Variants in SLC22A23 observed in about 807,000 individuals in gnomAD.
SLC22A23 encodes the protein solute carrier family 22 member 23.
In SLC22A23, 26 loss-of-function variants were observed where a neutral mutation model predicts 61.0. That is an observed-to-expected ratio of 0.43 (90% CI 0.31 to 0.59). The LOEUF is 0.59. SLC22A23 is among the 20% of genes least tolerant of loss of function. The pLI is 0.11. For missense variants in SLC22A23, 796 were observed against 934.7 expected, an observed-to-expected ratio of 0.85 and a Z score of 1.94; for synonymous variants, 430 against 413.9, an observed-to-expected ratio of 1.04 and a Z score of -0.47.
At chr6:3,279,118 A>T (rs139233356) in intron 9 of SLC22A23, among the ~76,000 whole-genome samples, 1 of 152,358 alleles carries the variant, frequency 6.6e-6, no homozygotes, top group African/African-American at 2.4e-5. Flanking sequence ...ATGTATATGT[A>T]TATACATAAT....
At chr6:3,375,126 G>A (rs1766474908) in intron 3 of SLC22A23, among the ~76,000 whole-genome samples, 1 of 152,028 alleles carries the variant, frequency 6.6e-6, no homozygotes, top group Admixed American at 6.5e-5. Flanking sequence ...CATCTCAATA[G>A]CGATAAGAAG....
chr6:3,369,475 G>A (rs550743954), intron 3 of SLC22A23, among the ~76,000 whole-genome samples: 7 of 152,166 alleles, frequency 4.6e-5, no homozygotes, highest in African/African-American at 1.7e-4. Context: ...TGGATCACCT[G>A]AACTGAAGAG....
Position 3,342,004 on chromosome 6 carries a change from A to G in SLC22A23, c.914-18002T>C, listed in dbSNP as rs1270133619. ...CATGGATAGAGGAAGACATCTGTTC[A>G]GTAGCATTAAGAAGAAAATCTTTCT... On this transcript the variant is annotated intron_variant, in intron 3 of 9. Coordinates refer to ENST00000406686, the MANE Select transcript of SLC22A23 (RefSeq NM_015482.2). The surrounding 1 kb of genome is among the most constrained non-coding windows in gnomAD (Gnocchi z 4.0). 6.6e-6 allele frequency among the ~76,000 whole-genome samples: 1 copy of G among 152,146 alleles called. No homozygotes were observed. The highest frequency in any genetic ancestry group is 2.4e-5 in the African/African-American group (1 of 41,430).
At chr6:3,298,478 A>C (rs1761308878) in intron 4 of SLC22A23, among the ~76,000 whole-genome samples, 1 of 152,176 alleles carries the variant, frequency 6.6e-6, no homozygotes, top group Admixed American at 6.5e-5. Context: ...CTTAAAAAAA[A>C]AGTGATCTCA....
rs1758368018 is a variant in SLC22A23 at position 3,269,908 on chromosome 6, T to G, written c.*3147A>C. On this transcript the variant is annotated 3_prime_UTR_variant, in exon 10 of 10. Coordinates refer to ENST00000406686, the MANE Select transcript of SLC22A23 (RefSeq NM_015482.2). Reference sequence around the variant, plus strand: ...AGTGTGATACTTCCCTTACGAGGTTTGTTTTTGTTTTCTTTCTGTTCTGTA... The same window carrying G: ...AGTGTGATACTTCCCTTACGAGGTTGGTTTTTGTTTTCTTTCTGTTCTGTA... 1 of 152,846 alleles carries G rather than the reference T, an allele frequency of 6.5e-6. No homozygotes were observed. The highest frequency in any genetic ancestry group is 2.1e-4 in the South Asian group (1 of 4,834). 9.5% of individuals were successfully genotyped at this position (152,846 alleles called of 1,614,324 possible).
rs28414199 is a variant in SLC22A23 at position 3,402,426 on chromosome 6, C to T, written c.913+7762G>A. 6.5e-3 allele frequency among the ~76,000 whole-genome samples: 760 copies of T among 117,652 alleles called. 3 individuals are homozygous for T. The highest frequency in any genetic ancestry group is 8.5e-3 in the Admixed American group (101 of 11,866). 77.2% of individuals were successfully genotyped at this position (117,652 alleles called of 152,430 possible). The stretch of plus-strand genomic sequence containing the variant: ...TCATAATTTAGATTCCGACCCCAAT[C>T]ACCAACACTACCCAGAGTGCACTAG... On this transcript the variant is annotated intron_variant, in intron 3 of 9. Coordinates refer to ENST00000406686, the MANE Select transcript of SLC22A23 (RefSeq NM_015482.2).
chr6:3,294,221 C>A (rs1427895698), intron 5 of SLC22A23, among the ~76,000 whole-genome samples: 1 of 151,882 alleles, frequency 6.6e-6, no homozygotes, highest in Non-Finnish European at 1.5e-5. Flanking sequence ...AGCGCTTCCT[C>A]CGATGCCTGG....
In SLC22A23 at chr6:3,272,283, T is replaced by A. The variant is rs563409311; in HGVS notation, c.*772A>T. On this transcript the variant is annotated 3_prime_UTR_variant, in exon 10 of 10. Coordinates refer to ENST00000406686, the MANE Select transcript of SLC22A23 (RefSeq NM_015482.2). The stretch of plus-strand genomic sequence containing the variant: ...GAGAGGAGGAATAAAAACGAGCACA[T>A]CTCAGGTCTCGACGCATCTGTTAGC... The A allele has an allele frequency of 6.5e-6, 1 of 152,840 alleles. No homozygotes were observed. The highest frequency in any genetic ancestry group is 2.4e-5 in the African/African-American group (1 of 41,558). 9.5% of individuals were successfully genotyped at this position (152,840 alleles called of 1,614,324 possible). A position where few individuals can be genotyped will look rare whatever the true frequency, so the allele number is the denominator to read the frequency against.
At chr6:3,316,791 C>T (rs1193568630) in intron 4 of SLC22A23, among the ~76,000 whole-genome samples, 4 of 152,156 alleles carry the variant, frequency 2.6e-5, no homozygotes, top group Non-Finnish European at 4.4e-5. Flanking sequence ...CACGTGCTCC[C>T]ATGTGTGGCT....
At chr6:3,370,914 CT>C (rs1372234303) in intron 3 of SLC22A23, among the ~76,000 whole-genome samples, 1 of 152,178 alleles carries the variant, frequency 6.6e-6, no homozygotes. Flanking sequence ...TGGCCTTGTT[CT>C]TTAGAATCAC....
chr6:3,405,800 T>C (rs1385010198), intron 3 of SLC22A23, among the ~76,000 whole-genome samples: 3 of 152,110 alleles, frequency 2.0e-5, no homozygotes, highest in Admixed American at 1.3e-4. Flanking sequence ...ACTTCTGTCA[T>C]GTGAAAAAGG....
In SLC22A23 at chr6:3,374,576, G is replaced by C. The variant is rs937727449; in HGVS notation, c.913+35612C>G. On this transcript the variant is annotated intron_variant, in intron 3 of 9. Transcript: ENST00000406686. ...GAGAAACTGGGCGGGCTGAAACTAT[G>C]ATGACCCTTAAGTAAAAAAAGTGTG... is the stretch of plus-strand genomic sequence containing the variant. Among the ~76,000 whole-genome samples the C allele has an allele frequency of 3.3e-5, 5 of 152,338 alleles. No homozygotes were observed. The East Asian group carries it at 9.6e-4, about 29-fold the overall frequency.
intron 4 of SLC22A23, among the ~76,000 whole-genome samples, chr6:3,303,592 C>T (rs1761769711): frequency 6.6e-6 from 1 of 152,110 alleles, no homozygotes; most frequent in Non-Finnish European, 1.5e-5. Flanking sequence ...AGAAATAAGC[C>T]AGGTACAGAA....
intron 9 of SLC22A23, among the ~76,000 whole-genome samples, chr6:3,279,583 G>A (rs1334552098): frequency 7.0e-6 from 1 of 143,092 alleles, no homozygotes; most frequent in Non-Finnish European, 1.5e-5. Flanking sequence ...GGCAGAAGTT[G>A]GTATGCCATT....
At position 3,285,061 on chromosome 6, in the gene SLC22A23, C is replaced by T. The variant is rs1254375770; in HGVS notation, c.1579+18G>A. 2 of 1,612,350 alleles carry T rather than the reference C, an allele frequency of 1.2e-6. No homozygotes were observed. Among genetic ancestry groups the T allele is most frequent in the Non-Finnish European group, 1.7e-6 (2 of 1,179,198 alleles). On this transcript the variant is annotated intron_variant, in intron 8 of 9. Transcript: ENST00000406686. ...TAATATGAGACGAGGAAGCACAGCC[C>T]ACGCGCTTGGGACTCACCTGAGTCT...
In SLC22A23 at chr6:3,273,518, C is replaced by T. The variant is rs1214439794; in HGVS notation, c.1704-106G>A. 8 of 1,237,798 alleles carry T rather than the reference C, an allele frequency of 6.5e-6. No individual in the cohort carries two copies. In the Admixed American group the frequency reaches 1.3e-4, roughly 21 times the overall value. 76.7% of individuals were successfully genotyped at this position (1,237,798 alleles called of 1,614,324 possible). A position where few individuals can be genotyped will look rare whatever the true frequency, so the allele number is the denominator to read the frequency against. ...GCCACCTCTGCAGGGGCCCTGCTGC[C>T]CTGGGCACTGCCCAGTATACCCCGA... is the stretch of plus-strand genomic sequence containing the variant. On this transcript the variant is annotated intron_variant, in intron 9 of 9. Transcript: ENST00000406686.
intron 2 of SLC22A23, among the ~76,000 whole-genome samples, chr6:3,412,150 G>A (rs972659730): frequency 4.6e-5 from 7 of 152,136 alleles, no homozygotes; most frequent in African/African-American, 1.2e-4. Context: ...GCGTTTCCAC[G>A]TCCCTGATGC....
rs774801044 is a variant in SLC22A23, at chr6:3,342,877, G to A, written c.914-18875C>T. On this transcript the variant is annotated intron_variant, in intron 3 of 9. Coordinates refer to ENST00000406686, the MANE Select transcript of SLC22A23 (RefSeq NM_015482.2). The surrounding 1 kb of genome is among the most constrained non-coding windows in gnomAD (Gnocchi z 4.0). ...AGGAGAGTGCAAAAAATGGCTCAGAGAAGAGGTTGGAATTTGGGGCTTTAT... is the reference window on the plus strand; with the variant it reads ...AGGAGAGTGCAAAAAATGGCTCAGAAAAGAGGTTGGAATTTGGGGCTTTAT... Among the ~76,000 whole-genome samples, 3 of 152,190 alleles carry A rather than the reference G, an allele frequency of 2.0e-5. No individual in the cohort carries two copies. Among genetic ancestry groups the A allele is most frequent in the Non-Finnish European group, 2.9e-5 (2 of 68,042 alleles).
At chr6:3,303,760 G>A (rs1761782840) in intron 4 of SLC22A23, among the ~76,000 whole-genome samples, 1 of 152,162 alleles carries the variant, frequency 6.6e-6, no homozygotes, top group Non-Finnish European at 1.5e-5. Context: ...CAAGAGATAG[G>A]AGGAATATGT....
Sources: gnomAD v4.1 joint callset for allele counts (sites outside exome capture counted in the v4.1 genomes callset) on GRCh38, gnomAD v4.1.1 for gene constraint, Gnocchi (gnomAD v3.1) non-coding constraint, MANE v1.5 for transcripts, NCBI Gene and HGNC (gene_info 2026-07-23, HGNC 2026-07-21) for gene names.